The following RIT2 variants were observed in gnomAD, a reference collection of about 807,000 sequenced individuals.
The protein encoded by RIT2 is Ras like without CAAX 2, also known as GTP-binding protein Rit2.
Under a neutral mutation model 23.7 loss-of-function variants are expected in RIT2, and 24 were observed. The ratio of observed to expected loss-of-function variants is 1.01; its 90% CI spans 0.73 to 1.43. The LOEUF is 1.43. RIT2 is among the 40% of genes most tolerant of loss of function. RIT2 has a pLI of 0.00. For synonymous variants in RIT2, 107 were observed against 91.1 expected (o/e 1.17, Z -0.99); for missense variants, 236 against 266.9 (o/e 0.88, Z 0.81).
intron 2 of RIT2, among the ~76,000 whole-genome samples, chr18:43,010,189 G>T (rs1364446835): frequency 2.0e-5 from 3 of 151,686 alleles, no homozygotes; most frequent in African/African-American, 7.3e-5. Flanking sequence ...TTCATCCTCA[G>T]CCTCTGAAGA....
chr18:42,946,915 G>A (rs1909740929), intron 3 of RIT2, among the ~76,000 whole-genome samples: 1 of 152,030 alleles, frequency 6.6e-6, no homozygotes, highest in South Asian at 2.1e-4. Context: ...TGCAAAAGAA[G>A]ATATTTTTTC....
At chr18:42,997,426 AC>A (rs1598743019) in intron 2 of RIT2, among the ~76,000 whole-genome samples, 1 of 152,188 alleles carries the variant, frequency 6.6e-6, no homozygotes, top group East Asian at 1.9e-4. Context: ...AAGAAAAAAA[AC>A]AAAAAAAAGG....
At chr18:42,871,275 AAACT>A (rs1907615650) in intron 4 of RIT2, among the ~76,000 whole-genome samples, 1 of 152,192 alleles carries the variant, frequency 6.6e-6, no homozygotes, top group South Asian at 2.1e-4. Flanking sequence ...TATATCTCAA[AAACT>A]ACATTTTAAA....
chr18:42,794,734 A>T (rs1453938331), intron 4 of RIT2, among the ~76,000 whole-genome samples: 1 of 152,220 alleles, frequency 6.6e-6, no homozygotes, highest in Non-Finnish European at 1.5e-5. Context: ...CACGTTTATT[A>T]TAGGAAACAG....
At chr18:43,018,746 G>T (rs1325620500) in intron 2 of RIT2, among the ~76,000 whole-genome samples, 1 of 151,926 alleles carries the variant, frequency 6.6e-6, no homozygotes. Context: ...GTCTTTTCTA[G>T]ACTAGCAAAA....
At chr18:43,058,907 C>G (rs1287288971) in intron 1 of RIT2, among the ~76,000 whole-genome samples, 6 of 151,852 alleles carry the variant, frequency 4.0e-5, no homozygotes, top group Non-Finnish European at 8.8e-5. Context: ...AAAAAAATAG[C>G]TTATTTTTCA....
At chr18:43,026,588 G>GAAAGAAAGAAATAAAT (rs1911728441) in intron 2 of RIT2, among the ~76,000 whole-genome samples, 1 of 109,764 alleles carries the variant, frequency 9.1e-6, no homozygotes, top group African/African-American at 3.2e-5. Flanking sequence ...AAGAAAGAAA[G>GAAAGAAAGAAATAAAT]AAAGAAAGAA....
At chr18:43,063,474 C>T (rs1029324242) in intron 1 of RIT2, among the ~76,000 whole-genome samples, 2 of 152,094 alleles carry the variant, frequency 1.3e-5, no homozygotes, top group Non-Finnish European at 2.9e-5. Context: ...ATTGATAACC[C>T]TTAGGCATTA....
chr18:42,892,549 C>A (rs1227803582), intron 4 of RIT2, among the ~76,000 whole-genome samples: 1 of 152,144 alleles, frequency 6.6e-6, no homozygotes, highest in Non-Finnish European at 1.5e-5. Flanking sequence ...ATTGTGCTGC[C>A]TGATTCACAT....
At chr18:43,048,721 G>A (rs973161767) in intron 1 of RIT2, among the ~76,000 whole-genome samples, 4 of 152,080 alleles carry the variant, frequency 2.6e-5, no homozygotes, top group Non-Finnish European at 5.9e-5. Flanking sequence ...TGGTCTCAGG[G>A]TCTATCTAGC....
At chr18:43,014,651 C>G (rs1232942005) in intron 2 of RIT2, among the ~76,000 whole-genome samples, 1 of 29,058 alleles carries the variant, frequency 3.4e-5, no homozygotes, top group Non-Finnish European at 1.0e-4. Context: ...AGGAAAGAGA[C>G]TTTCAAAAGC....
At chr18:42,787,293 T>C (rs2143940820) in intron 4 of RIT2, among the ~76,000 whole-genome samples, 1 of 152,018 alleles carries the variant, frequency 6.6e-6, no homozygotes, top group Middle Eastern at 3.4e-3. Flanking sequence ...TCCATGTCCC[T>C]ACAAAGAACA....
intron 4 of RIT2, among the ~76,000 whole-genome samples, chr18:42,885,420 C>T (rs1907995982): frequency 6.6e-6 from 1 of 151,988 alleles, no homozygotes. Context: ...CCCGTCTTTA[C>T]TAAAAATACA....
At chr18:42,970,801 C>T (rs961117883) in intron 3 of RIT2, among the ~76,000 whole-genome samples, 2 of 151,988 alleles carry the variant, frequency 1.3e-5, no homozygotes, top group Admixed American at 1.3e-4. Flanking sequence ...TAAAAATACA[C>T]ATTTTTTCCT....
At chr18:43,020,910 T>C (rs1911580268) in intron 2 of RIT2, among the ~76,000 whole-genome samples, 1 of 152,076 alleles carries the variant, frequency 6.6e-6, no homozygotes, top group African/African-American at 2.4e-5. Flanking sequence ...ATAAAACTAC[T>C]ACAGGAAAAC....
intron 1 of RIT2, among the ~76,000 whole-genome samples, chr18:43,114,187 T>A (rs1350095229): frequency 6.6e-6 from 1 of 152,162 alleles, no homozygotes; most frequent in South Asian, 2.1e-4. Context: ...TTTTTTTCAC[T>A]TTGATATGCA....
intron 3 of RIT2, among the ~76,000 whole-genome samples, chr18:42,929,014 T>C (rs577896041): frequency 8.5e-6 from 1 of 117,650 alleles, no homozygotes; most frequent in Non-Finnish European, 1.8e-5. Flanking sequence ...TGAATACATA[T>C]ACTAAAACTA....
At chr18:42,802,104 A>T (rs1905555224) in intron 4 of RIT2, among the ~76,000 whole-genome samples, 1 of 152,226 alleles carries the variant, frequency 6.6e-6, no homozygotes, top group Admixed American at 6.5e-5. Flanking sequence ...TGCAGAAAAT[A>T]TAGGATATCA....
intron 1 of RIT2, among the ~76,000 whole-genome samples, chr18:43,045,681 G>T (rs1912230530): frequency 6.6e-6 from 1 of 152,114 alleles, no homozygotes; most frequent in Non-Finnish European, 1.5e-5. Flanking sequence ...TATCAGAAGG[G>T]CATTGGGAGG....
Sources: allele counts gnomAD v4.1 joint callset (sites outside exome capture counted in the v4.1 genomes callset), GRCh38; gene constraint gnomAD v4.1.1; transcripts MANE v1.5; gene names NCBI Gene and HGNC (gene_info 2026-07-23, HGNC 2026-07-21).